TMEM62: variants seen among roughly 807,000 people sequenced by gnomAD.
TMEM62 encodes the protein transmembrane protein 62.
A neutral mutation model predicts 70.4 loss-of-function variants in TMEM62; 41 were observed. That is an observed-to-expected ratio of 0.58 (90% CI 0.45 to 0.76). TMEM62 has a LOEUF of 0.76. Among genes scored for constraint, TMEM62 ranks in the 30% least tolerant of loss-of-function variants. The pLI, the probability that TMEM62 is intolerant of heterozygous loss-of-function variation, is 0.00. For synonymous variants in TMEM62, 268 were observed against 291.0 expected, an observed-to-expected ratio of 0.92 and a Z score of 0.80; for missense variants, 688 against 788.5, an observed-to-expected ratio of 0.87 and a Z score of 1.53.
chr15:43,143,789 T>C (rs1475967724), intron 4 of TMEM62, among the ~76,000 whole-genome samples: 1 of 152,228 alleles, frequency 6.6e-6, no homozygotes, highest in East Asian at 1.9e-4. Context: ...AGTTTCATTA[T>C]GTTTAGATTC....
At chr15:43,140,109 T>G (rs2035789019) in intron 4 of TMEM62, among the ~76,000 whole-genome samples, 1 of 152,116 alleles carries the variant, frequency 6.6e-6, no homozygotes, top group Admixed American at 6.5e-5. Context: ...TGCACAATAA[T>G]TTATTTAGGG....
At chr15:43,171,046 C>A (rs759047685) in intron 11 of TMEM62, among the ~76,000 whole-genome samples, 5 of 152,104 alleles carry the variant, frequency 3.3e-5, no homozygotes, top group African/African-American at 4.8e-5. Flanking sequence ...TAAGTCAAAA[C>A]CTCTTATGGT....
chr15:43,179,830 G>A (rs774764011), intron 12 of TMEM62: 1 of 152,142 alleles, frequency 6.6e-6, no homozygotes, highest in African/African-American at 2.4e-5. Flanking sequence ...TTCTGTGTAA[G>A]CTATGGCAGA....
chr15:43,185,010 A>G lies in TMEM62; in HGVS notation c.*424A>G. ...TTTCAGGGGCAGGGAACCTTTGAGG[A>G]TCTGGGCCCGACCCTCACTACCCCT... On this transcript the variant is annotated 3_prime_UTR_variant, in exon 14 of 14. Transcript: ENST00000260403. 4.0e-6 allele frequency: 1 copy of G among 248,272 alleles called. No individual in the cohort carries two copies. The highest frequency in any genetic ancestry group is 1.1e-4 in the East Asian group (1 of 9,308). The allele number at this position is 248,272 out of a possible 1,614,324, so 15.4% of individuals were successfully genotyped here.
chr15:43,161,983 A>G lies in TMEM62; in HGVS notation c.1296+1189A>G, dbSNP rs145440598. Among the ~76,000 whole-genome samples the G allele has an allele frequency of 1.8e-4, 27 of 151,570 alleles. No homozygotes were observed. In the East Asian group the frequency reaches 5.1e-3, roughly 29 times the overall value. On this transcript the variant is annotated intron_variant, in intron 10 of 13. Transcript: ENST00000260403. ...AGCTTGTATATGTATTTTTTTTTGT[A>G]TATGTATTTTTAACATAAATACTAT...
chr15:43,166,230 G>A (rs2039396728), intron 10 of TMEM62, among the ~76,000 whole-genome samples: 1 of 152,224 alleles, frequency 6.6e-6, no homozygotes, highest in African/African-American at 2.4e-5. Flanking sequence ...TTGATTACCA[G>A]GCAGAGTCTT....
intron 10 of TMEM62, among the ~76,000 whole-genome samples, chr15:43,167,835 T>C (rs996749128): frequency 1.3e-5 from 2 of 152,058 alleles, no homozygotes; most frequent in East Asian, 1.9e-4. Flanking sequence ...CTGGGCACCA[T>C]TGAGCACTGA....
chr15:43,136,114 T>C (rs1596180355), intron 3 of TMEM62, among the ~76,000 whole-genome samples: 1 of 152,114 alleles, frequency 6.6e-6, no homozygotes, highest in Admixed American at 6.6e-5. Context: ...TTAATAAATA[T>C]ACATTTTGCT....
chr15:43,152,048 G>T, intron 8 of TMEM62, 103 bp downstream of exon 8: 1 of 788,734 alleles, frequency 1.3e-6, no homozygotes. Flanking sequence ...CCCCATTTTA[G>T]TTTTCTCAAC....
At chr15:43,167,252 G>A (rs1160867403) in intron 10 of TMEM62, among the ~76,000 whole-genome samples, 1 of 150,432 alleles carries the variant, frequency 6.6e-6, no homozygotes, top group African/African-American at 2.5e-5. Context: ...GCGGCTGGCC[G>A]AGCGGGGGGC....
In TMEM62 at chr15:43,133,925, C is replaced by T. The variant is rs573311291; in HGVS notation, c.123C>T (p.Pro41=). The change falls in exon 1 of 14, where the codon CCC becomes CCT. Residue 41 remains proline (P), a synonymous_variant. Coordinates refer to ENST00000260403, the MANE Select transcript of TMEM62 (RefSeq NM_024956.4). Reference sequence around the variant, plus strand: ...CGCCGCTGCCGCGCCCCGCGCCCCCCAGGAGGCCGCACCCTGCGCCAGGGC... The same window carrying T: ...CGCCGCTGCCGCGCCCCGCGCCCCCTAGGAGGCCGCACCCTGCGCCAGGGC... The part of the protein sequence containing the change: ...QPSPLPRPAP[P]RRPHPAPGPG... 5,556 of 1,490,350 alleles carry T rather than the reference C, an allele frequency of 3.7e-3. 16 individuals are homozygous for T. Among genetic ancestry groups the T allele is most frequent in the Non-Finnish European group, 4.0e-3 (4,494 of 1,127,850 alleles). The allele number at this position is 1,490,350 out of a possible 1,614,324, so 92.3% of individuals were successfully genotyped here.
chr15:43,146,396 C>T (rs962456615), intron 4 of TMEM62, 97 bp from the exon 5 acceptor site: 8 of 1,154,678 alleles, frequency 6.9e-6, no homozygotes, highest in African/African-American at 4.6e-5. Context: ...CAGCAAATCT[C>T]GTTTTCAAAG....
intron 10 of TMEM62, chr15:43,169,020 C>T (rs2039906773): frequency 6.6e-6 from 1 of 152,546 alleles, no homozygotes; most frequent in Non-Finnish European, 1.5e-5. Context: ...CAAAGTCTCA[C>T]AGTCATTTTG....
rs147445939 is a variant in TMEM62, at chr15:43,146,952, A to G, written c.618+318A>G. 3.9e-3 allele frequency among the ~76,000 whole-genome samples: 589 copies of G among 152,304 alleles called. 2 individuals carry two copies. Among genetic ancestry groups the G allele is most frequent in the African/African-American group, 0.014 (562 of 41,558 alleles). ...TGTGGTATATTCCTAAGTTCCCACA[A>G]TTGCCAGTTCTAACTAGTGTTTATT... On this transcript the variant is annotated intron_variant, in intron 5 of 13. Coordinates refer to ENST00000260403, the MANE Select transcript of TMEM62 (RefSeq NM_024956.4).
intron 4 of TMEM62, among the ~76,000 whole-genome samples, chr15:43,142,756 C>A (rs1373611510): frequency 6.6e-6 from 1 of 151,496 alleles, no homozygotes; most frequent in Admixed American, 6.6e-5. Context: ...GCAATCTCCA[C>A]CTTCCAGGCT....
At chr15:43,167,790 T>A (rs2141950427) in intron 10 of TMEM62, among the ~76,000 whole-genome samples, 1 of 152,176 alleles carries the variant, frequency 6.6e-6, no homozygotes, top group South Asian at 2.1e-4. Context: ...AGGTCGAGGT[T>A]GTAGCGAGCC....
At chr15:43,156,424 TAGA>T (rs1208052879) in intron 9 of TMEM62, among the ~76,000 whole-genome samples, 2 of 152,120 alleles carry the variant, frequency 1.3e-5, no homozygotes, top group East Asian at 1.9e-4. Context: ...ACAGCAGAAG[TAGA>T]AGGAGAGATA....
In TMEM62 at chr15:43,149,188, A is replaced by C. The variant is rs370381213; in HGVS notation, c.866+37A>C. The C allele has an allele frequency of 3.1e-6, 5 of 1,600,750 alleles. No homozygotes were observed. In the East Asian group the frequency reaches 8.9e-5, roughly 29 times the overall value. The stretch of plus-strand genomic sequence containing the variant: ...TCCCCATAGAAGAAAACTTATACAC[A>C]TAAGTTTTGCCAAAGCAATGATAGT... On this transcript the variant is annotated intron_variant, in intron 7 of 13. Coordinates refer to ENST00000260403, the MANE Select transcript of TMEM62 (RefSeq NM_024956.4).
At chr15:43,171,659 G>A (rs562264698) in intron 11 of TMEM62, among the ~76,000 whole-genome samples, 19 of 119,824 alleles carry the variant, frequency 1.6e-4, no homozygotes, top group South Asian at 1.5e-3. Flanking sequence ...CTGGAATTTC[G>A]CTCTGTCCCC....
Sources: gnomAD v4.1 joint callset for allele counts (sites outside exome capture counted in the v4.1 genomes callset) on GRCh38, gnomAD v4.1.1 for gene constraint, MANE v1.5 for transcripts, NCBI Gene and HGNC (gene_info 2026-07-23, HGNC 2026-07-21) for gene names.